SCN1B: variants seen among roughly 807,000 people sequenced by gnomAD.
SCN1B encodes sodium voltage-gated channel beta subunit 1, also known as sodium channel regulatory subunit beta-1.
In SCN1B, 11 loss-of-function variants were observed where a neutral mutation model predicts 25.7. The observed-to-expected ratio is 0.43, with a 90% CI of 0.27 to 0.71. The LOEUF (loss-of-function observed/expected upper bound fraction) is 0.71. Ranked by LOEUF, SCN1B falls within the 30% of genes least tolerant of loss-of-function variation. The pLI, the probability that SCN1B is intolerant of heterozygous loss-of-function variation, is 0.21. For synonymous variants in SCN1B, 119 were observed against 117.5 expected (o/e 1.01, Z -0.08); for missense variants, 224 against 291.5 (o/e 0.77, Z 1.69).
chr19:35,031,300 T>C (rs1398090133), intron 1 of SCN1B: 1 of 145,974 alleles, frequency 6.9e-6, no homozygotes, highest in Non-Finnish European at 1.5e-5. Flanking sequence ...ACCGGAGTGG[T>C]CCGCTGGGAT....
Position 35,030,733 on chromosome 19 carries a change from A to C in SCN1B, c.-88A>C, listed in dbSNP as rs886054341. On this transcript the variant is annotated 5_prime_UTR_variant, in exon 1 of 6. Transcript: ENST00000262631. ...GCTGCGCCCGCGCGCTCCCGGGGAC[A>C]TTCTAACCGCCGCCAGGTCCCGCCG... 3.5e-4 allele frequency: 137 copies of C among 386,554 alleles called. No individual in the cohort carries two copies. The highest frequency in any genetic ancestry group is 5.5e-4 in the Non-Finnish European group (117 of 212,742). 23.9% of individuals were successfully genotyped at this position (386,554 alleles called of 1,614,324 possible).
rs1323687057 is a variant in SCN1B, at chr19:35,034,019, G to A, written c.448+280G>A. ...CTGTGCTGTATGACCTCTGGCAGGT[G>A]CCTTCTGTCTCTGAGCCAAAGGGTT... On this transcript the variant is annotated intron_variant, in intron 3 of 5. Transcript: ENST00000262631. 5 of 1,549,174 alleles carry A rather than the reference G, an allele frequency of 3.2e-6. No individual in the cohort carries two copies. Among genetic ancestry groups the A allele is most frequent in the South Asian group, 1.2e-5 (1 of 84,032 alleles).
intron 3 of SCN1B, 25 bp from the exon 4 acceptor site, chr19:35,039,092 C>G (rs72550246): frequency 3.1e-6 from 5 of 1,613,940 alleles, no homozygotes; most frequent in East Asian, 4.5e-5. Context: ...TGGGCTACCC[C>G]CTTAACCCTG....
intron 3 of SCN1B, 184 bp downstream of exon 3, chr19:35,033,923 C>T: frequency 1.3e-6 from 2 of 1,564,426 alleles, no homozygotes; most frequent in Non-Finnish European, 1.7e-6. Context: ...CTGTTTCTCT[C>T]CAGCCCACGG....
Position 35,039,364 on chromosome 19 carries a change from G to C in SCN1B, c.590+106G>C, listed in dbSNP as rs564247253. On this transcript the variant is annotated intron_variant, in intron 4 of 5. Coordinates refer to ENST00000262631, the MANE Select transcript of SCN1B (RefSeq NM_001037.5). ...GGAGGAGGCAGCGGAGCGGCCCAGG[G>C]CGCCATCTCTCAGTACTACCCAGAG... 8.5e-5 allele frequency: 129 copies of C among 1,514,060 alleles called. 3 individuals carry two copies. The Middle Eastern group carries it at 1.1e-3, about 13-fold the overall frequency. The allele number at this position is 1,514,060 out of a possible 1,614,324, so 93.8% of individuals were successfully genotyped here.
chr19:35,031,045 A>C (rs1169070005), intron 1 of SCN1B, among the ~76,000 whole-genome samples, 185 bp downstream of exon 1: 3 of 149,594 alleles, frequency 2.0e-5, no homozygotes, highest in Non-Finnish European at 3.0e-5. Flanking sequence ...AGTGGAGGTG[A>C]GGGTGGGCTC....
chr19:35,040,335 C>A lies in SCN1B; in HGVS notation c.*544C>A. The A allele has an allele frequency of 6.2e-6, 1 of 160,772 alleles. No individual in the cohort carries two copies. The allele number at this position is 160,772 out of a possible 1,614,324, so 10.0% of individuals were successfully genotyped here. A position where few individuals can be genotyped will look rare whatever the true frequency, so the allele number is the denominator to read the frequency against. ...CCCTGTAATGCACTCCTGCCCCGGC[C>A]CAACCTCGCCCTCTCTCACCAGCCT... On this transcript the variant is annotated 3_prime_UTR_variant, in exon 6 of 6. Transcript: ENST00000262631.
Position 35,032,719 on chromosome 19 carries a change from T to C in SCN1B, c.207+25T>C. ...GGTGTGCGGGTGCCGGGAACGGGCA[T>C]GGGAGGGCAGGGGTCCACGAGTGGG... On this transcript the variant is annotated intron_variant, in intron 2 of 5. Transcript: ENST00000262631. This position sits in a 1 kb window ranked among gnomAD's most constrained non-coding sequence, Gnocchi z 4.3. The C allele has an allele frequency of 6.2e-7, 1 of 1,612,204 alleles. No individual in the cohort carries two copies. The highest frequency in any genetic ancestry group is 8.5e-7 in the Non-Finnish European group (1 of 1,179,734).
chr19:35,039,229 C>G lies in SCN1B; in HGVS notation c.561C>G (p.Ala187=), dbSNP rs587781152. 6.2e-7 allele frequency: 1 copy of G among 1,613,960 alleles called. No individual in the cohort carries two copies. Among genetic ancestry groups the G allele is most frequent in the Non-Finnish European group, 8.5e-7 (1 of 1,180,040 alleles). Reference sequence around the variant, plus strand: ...TTTACTGCTACAAGAAGATCGCTGCCGCCACGGAGACTGCTGCACAGGAGA... The same window carrying G: ...TTTACTGCTACAAGAAGATCGCTGCGGCCACGGAGACTGCTGCACAGGAGA... ...EMIYCYKKIA[A]ATETAAQENA... The change falls in exon 4 of 6, where the codon GCC becomes GCG. Residue 187 remains alanine, a synonymous_variant. Transcript: ENST00000262631.
intron 3 of SCN1B, chr19:35,034,369 C>T: frequency 3.9e-6 from 2 of 509,360 alleles, no homozygotes; most frequent in South Asian, 4.5e-5. Flanking sequence ...TTCTAAAGCT[C>T]TCAGGTGAGG....
intron 3 of SCN1B, chr19:35,034,309 C>T (rs1022721631): frequency 2.4e-5 from 19 of 794,076 alleles, no homozygotes; most frequent in African/African-American, 1.4e-4. Flanking sequence ...GGGGGAGCCG[C>T]GCTGGCCTGC....
Position 35,039,895 on chromosome 19 carries a change from GC to G in SCN1B, c.*106del. The G allele has an allele frequency of 1.6e-6, 1 of 629,572 alleles. No individual in the cohort carries two copies. Among genetic ancestry groups the G allele is most frequent in the African/African-American group, 1.8e-5 (1 of 54,568 alleles). The allele number at this position is 629,572 out of a possible 1,614,324, so 39.0% of individuals were successfully genotyped here. A position where few individuals can be genotyped will look rare whatever the true frequency, so the allele number is the denominator to read the frequency against. Reference sequence around the variant, plus strand: ...GGTGGCCACTCCTGGGCCCCAGAAAGCCTCAGAGTCCTGCCGACGGAGCCAC... The same window carrying G: ...GGTGGCCACTCCTGGGCCCCAGAAAGCTCAGAGTCCTGCCGACGGAGCCAC... On this transcript the variant is annotated 3_prime_UTR_variant, in exon 6 of 6. Coordinates refer to ENST00000262631, the MANE Select transcript of SCN1B (RefSeq NM_001037.5).
chr19:35,033,649 G>A lies in SCN1B; in HGVS notation c.358G>A (p.Glu120Lys), dbSNP rs772112038. Reference sequence around the variant, plus strand: ...CACCTACAACCACTCGGGCGACTACGAGTGCCACGTCTACCGCCTGCTCTT... The same window carrying A: ...CACCTACAACCACTCGGGCGACTACAAGTGCCACGTCTACCGCCTGCTCTT... ...NVTYNHSGDYECHVYRLLFFE... is the reference protein window; with the variant it reads ...NVTYNHSGDYKCHVYRLLFFE... Residue 120 changes from glutamate (E) to lysine (K), a missense_variant, in exon 3 of 6, where the codon GAG (glutamate) becomes AAG (lysine). This residue lies in a region of SCN1B where 126 missense variants were observed against 204.9 expected (regional missense o/e 0.61). Transcript: ENST00000262631. The A allele has an allele frequency of 8.7e-6, 14 of 1,614,178 alleles. No homozygotes were observed. The highest frequency in any genetic ancestry group is 3.3e-5 in the Admixed American group (2 of 60,016).
At position 35,032,737 on chromosome 19, in the gene SCN1B, C is replaced by G; in HGVS notation, c.207+43C>G. On this transcript the variant is annotated intron_variant, in intron 2 of 5. Transcript: ENST00000262631. This position sits in a 1 kb window ranked among gnomAD's most constrained non-coding sequence, Gnocchi z 4.3. ...ACGGGCATGGGAGGGCAGGGGTCCA[C>G]GAGTGGGAGGCGGTGGGGCTGGATC... is the stretch of plus-strand genomic sequence containing the variant. 6.2e-7 allele frequency: 1 copy of G among 1,604,326 alleles called. No individual in the cohort carries two copies. Among genetic ancestry groups the G allele is most frequent in the East Asian group, 2.2e-5 (1 of 44,784 alleles).
chr19:35,039,423 C>T (rs1439005267), intron 4 of SCN1B, 165 bp downstream of exon 4: 4 of 1,076,638 alleles, frequency 3.7e-6, no homozygotes, highest in Non-Finnish European at 5.5e-6. Context: ...GGATAGGGGT[C>T]GTCAGACCCA....
At chr19:35,034,106 T>G in intron 3 of SCN1B, 1 of 1,551,670 alleles carries the variant, frequency 6.4e-7, no homozygotes. Flanking sequence ...TGAGCCATTC[T>G]TCCATCATGG....
In SCN1B at chr19:35,032,278, T is replaced by C. The variant is rs540503327; in HGVS notation, c.41-250T>C. 8.5e-5 allele frequency among the ~76,000 whole-genome samples: 13 copies of C among 152,282 alleles called. No individual in the cohort carries two copies. The highest frequency in any genetic ancestry group is 3.1e-4 in the African/African-American group (13 of 41,550). On this transcript the variant is annotated intron_variant, in intron 1 of 5. Coordinates refer to ENST00000262631, the MANE Select transcript of SCN1B (RefSeq NM_001037.5). The surrounding 1 kb of genome is among the most constrained non-coding windows in gnomAD (Gnocchi z 4.3). Reference sequence around the variant, plus strand: ...ATGGGGCCTCCCATGTACAAGGCCCTACCTAATGTATGAAAATGGGCCCAG... The same window carrying C: ...ATGGGGCCTCCCATGTACAAGGCCCCACCTAATGTATGAAAATGGGCCCAG...
chr19:35,030,721 G>T lies in SCN1B; in HGVS notation c.-100G>T. 1 of 288,768 alleles carries T rather than the reference G, an allele frequency of 3.5e-6. No individual in the cohort carries two copies. Among genetic ancestry groups the T allele is most frequent in the South Asian group, 4.2e-5 (1 of 24,084 alleles). 17.9% of individuals were successfully genotyped at this position (288,768 alleles called of 1,614,324 possible). ...AGAGCCGCAGCTGCTGCGCCCGCGC[G>T]CTCCCGGGGACATTCTAACCGCCGC... On this transcript the variant is annotated 5_prime_UTR_variant, in exon 1 of 6. Coordinates refer to ENST00000262631, the MANE Select transcript of SCN1B (RefSeq NM_001037.5).
At position 35,039,778 on chromosome 19, in the gene SCN1B, C is replaced by G. The variant is rs1442747292; in HGVS notation, c.*6-19C>G. 8 of 1,467,656 alleles carry G rather than the reference C, an allele frequency of 5.5e-6. No homozygotes were observed. The highest frequency in any genetic ancestry group is 3.5e-5 in the Admixed American group (2 of 57,206). 90.9% of individuals were successfully genotyped at this position (1,467,656 alleles called of 1,614,324 possible). A position where few individuals can be genotyped will look rare whatever the true frequency, so the allele number is the denominator to read the frequency against. On this transcript the variant is annotated intron_variant, in intron 5 of 5. Coordinates refer to ENST00000262631, the MANE Select transcript of SCN1B (RefSeq NM_001037.5). ...AAGTCCCCCAGGTCCCTAATTCCCC[C>G]TCTCTTGCTCCCCTTCAGGCCCTGG...
Sources: gnomAD v4.1 joint callset for allele counts (sites outside exome capture counted in the v4.1 genomes callset) on GRCh38, gnomAD v4.1.1 for gene constraint, gnomAD v4.1.1 regional missense constraint, Gnocchi (gnomAD v3.1) non-coding constraint, MANE v1.5 for transcripts, NCBI Gene and HGNC (gene_info 2026-07-23, HGNC 2026-07-21) for gene names.